The following PABPC4 variants were observed in gnomAD, a reference collection of about 807,000 sequenced individuals.
PABPC4 encodes polyadenylate-binding protein 4.
A neutral mutation model predicts 74.5 loss-of-function variants in PABPC4; 15 were observed. The ratio of observed to expected loss-of-function variants is 0.20; its 90% CI spans 0.13 to 0.31. PABPC4 has a LOEUF of 0.31. Among genes scored for constraint, PABPC4 ranks in the 10% least tolerant of loss-of-function variants. The pLI is 1.00. For synonymous variants in PABPC4, 345 were observed against 303.0 expected (o/e 1.14, Z -1.44); for missense variants, 610 against 853.5 (o/e 0.71, Z 3.55).
At chr1:39,561,649 G>A in intron 15 of PABPC4, 36 bp downstream of exon 15, 2 of 1,419,010 alleles carry the variant, frequency 1.4e-6, no homozygotes, top group Non-Finnish European at 2.0e-6. Flanking sequence ...TAGGAACAAT[G>A]CTCATAGGAA....
rs1645817875 is a variant in PABPC4, at chr1:39,565,123, C to T, written c.1228G>A (p.Val410Met). The change falls in exon 8 of 16, where the codon GTG becomes ATG. Residue 410 changes from valine (V) to methionine (M), a missense_variant. Around this residue, in one of 4 missense-constraint regions of PABPC4, gnomAD observed 277 missense variants for 301.8 expected, o/e 0.92. Transcript: ENST00000372858. ...QFQPAAGGYF[V>M]PAVPQAQGRP... Reference sequence around the variant, plus strand: ...ACACCCACCTGTGGGACTGCTGGCACAAAGTAGCCACCCGCTGCAGGCTGG... The same window carrying T: ...ACACCCACCTGTGGGACTGCTGGCATAAAGTAGCCACCCGCTGCAGGCTGG... The T allele has an allele frequency of 6.2e-7, 1 of 1,613,860 alleles. No individual in the cohort carries two copies. Among genetic ancestry groups the T allele is most frequent in the Non-Finnish European group, 8.5e-7 (1 of 1,180,024 alleles).
intron 7 of PABPC4, among the ~76,000 whole-genome samples, 182 bp from the exon 8 acceptor site, chr1:39,565,560 T>C (rs1040732391): frequency 6.6e-6 from 1 of 151,854 alleles, no homozygotes; most frequent in African/African-American, 2.4e-5. Context: ...CCAGGCGCAG[T>C]GGCTCATGCC....
At chr1:39,574,414 A>G (rs1161951187) in intron 1 of PABPC4, among the ~76,000 whole-genome samples, 1 of 152,264 alleles carries the variant, frequency 6.6e-6, no homozygotes, top group African/African-American at 2.4e-5. Context: ...ACTTATTTAT[A>G]GCAGGGAGAA....
At position 39,571,283 on chromosome 1, in the gene PABPC4, C is replaced by A; in HGVS notation, c.454G>T (p.Asp152Tyr). The A allele has an allele frequency of 6.2e-7, 1 of 1,614,196 alleles. No individual in the cohort carries two copies. Among genetic ancestry groups the A allele is most frequent in the South Asian group, 1.1e-5 (1 of 91,084 alleles). ...FVHFETQEAA[D>Y]KAIEKMNGML... ...CCATTCATCTTCTCGATGGCCTTGT[C>A]GGCAGCCTCTTGGGTCTCGAAGTGG... Residue 152 changes from aspartate (D) to tyrosine (Y), a missense_variant, in exon 3 of 16, where the codon GAC becomes TAC. Asp to Tyr is a radical substitution (Grantham distance 160). Transcript: ENST00000372858.
At chr1:39,565,508 C>G (rs1056193550) in intron 7 of PABPC4, 130 bp from the exon 8 acceptor site, 10 of 894,272 alleles carry the variant, frequency 1.1e-5, no homozygotes, top group African/African-American at 1.7e-5. Flanking sequence ...TTGAGACCAG[C>G]TTGAGCAATG....
intron 7 of PABPC4, among the ~76,000 whole-genome samples, chr1:39,565,742 C>T (rs1008157197): frequency 6.6e-6 from 1 of 152,014 alleles, no homozygotes; most frequent in Non-Finnish European, 1.5e-5. Context: ...GCAGGAGAAC[C>T]GCTTCAACCC....
intron 5 of PABPC4, among the ~76,000 whole-genome samples, chr1:39,569,195 T>C (rs1263677834): frequency 6.6e-6 from 1 of 152,182 alleles, no homozygotes; most frequent in Non-Finnish European, 1.5e-5. Context: ...TAGGGCGATA[T>C]AATATTCCGG....
In PABPC4 at chr1:39,569,844, A is replaced by G. The variant is rs765838367; in HGVS notation, c.643+19T>C. 8.1e-6 allele frequency: 13 copies of G among 1,613,196 alleles called. No homozygotes were observed. The South Asian group carries it at 1.4e-4, about 18-fold the overall frequency. ...TGGGTCTGGTAGACTGTGAAAGGAG[A>G]CAAGGAACCCCAACTTACCAAACTG... is the stretch of plus-strand genomic sequence containing the variant. On this transcript the variant is annotated intron_variant, in intron 4 of 15. Coordinates refer to ENST00000372858, the MANE Select transcript of PABPC4 (RefSeq NM_001135653.2).
At chr1:39,575,571 G>C (rs1360491694) in intron 1 of PABPC4, among the ~76,000 whole-genome samples, 188 bp downstream of exon 1, 1 of 152,208 alleles carries the variant, frequency 6.6e-6, no homozygotes, top group Non-Finnish European at 1.5e-5. Flanking sequence ...TTAGCAAGTG[G>C]TAGAAACAAG....
At chr1:39,575,497 TAC>T (rs1646011164) in intron 1 of PABPC4, among the ~76,000 whole-genome samples, 1 of 152,362 alleles carries the variant, frequency 6.6e-6, no homozygotes, top group African/African-American at 2.4e-5. Context: ...AATCCTGTTT[TAC>T]AGTCTCCTTG....
At chr1:39,573,900 A>C (rs1201726459) in intron 1 of PABPC4, among the ~76,000 whole-genome samples, 1 of 152,184 alleles carries the variant, frequency 6.6e-6, no homozygotes, top group Non-Finnish European at 1.5e-5. Flanking sequence ...CACTAATCGC[A>C]ACAAGGATGC....
chr1:39,561,686 G>GT lies in PABPC4; in HGVS notation c.*11dup, dbSNP rs1557712244. On this transcript the variant is annotated splice_region_variant and 3_prime_UTR_variant, in exon 15 of 16. Coordinates refer to ENST00000372858, the MANE Select transcript of PABPC4 (RefSeq NM_001135653.2). ...AAAAATGAAAATAGCCACACATACG[G>GT]TTTTTCCTTGTCTAAGAGGTAGCAG... 6.2e-7 allele frequency: 1 copy of GT among 1,607,388 alleles called. No individual in the cohort carries two copies. Among genetic ancestry groups the GT allele is most frequent in the East Asian group, 2.2e-5 (1 of 44,854 alleles).
chr1:39,561,140 A>G lies in PABPC4; in HGVS notation c.*14-18T>C, dbSNP rs1487048797. ...TTTGAATCCTGTAAAGAAAAGCACC[A>G]ACACAAATAAATGCATAATCAAATA... is the stretch of plus-strand genomic sequence containing the variant. On this transcript the variant is annotated intron_variant, in intron 15 of 15. Transcript: ENST00000372858. 2 of 470,782 alleles carry G rather than the reference A, an allele frequency of 4.2e-6. No individual in the cohort carries two copies. The highest frequency in any genetic ancestry group is 4.0e-5 in the African/African-American group (2 of 50,076). 29.2% of individuals were successfully genotyped at this position (470,782 alleles called of 1,614,324 possible).
intron 12 of PABPC4, 184 bp from the exon 13 acceptor site, chr1:39,562,600 T>C (rs1645781627): frequency 1.9e-6 from 1 of 537,208 alleles, no homozygotes; most frequent in South Asian, 3.0e-5. Flanking sequence ...AACAGAGTGG[T>C]ATGGACATAA....
intron 1 of PABPC4, chr1:39,573,297 A>G (rs1429269465): frequency 6.6e-6 from 1 of 152,262 alleles, no homozygotes; most frequent in Non-Finnish European, 1.5e-5. Context: ...TCACACATGG[A>G]AAAGTTCTCT....
At chr1:39,568,257 GAAAAA>G (rs201261264) in intron 6 of PABPC4, 5,673 of 135,076 alleles carry the variant, frequency 0.042, 405 homozygotes, top group East Asian at 0.34. Flanking sequence ...ACTGTCTCAA[GAAAAA>G]AAAAAAAAAA....
chr1:39,570,078 GT>G, intron 3 of PABPC4, 76 bp from the exon 4 acceptor site: 1 of 1,420,474 alleles, frequency 7.0e-7, no homozygotes, highest in Non-Finnish European at 9.7e-7. Flanking sequence ...AGGAATACAG[GT>G]TAAAGACTGA....
chr1:39,560,888 GA>G lies in PABPC4; in HGVS notation c.*247del, dbSNP rs559381842. The G allele has an allele frequency of 1.5e-5, 3 of 199,352 alleles. No homozygotes were observed. Among genetic ancestry groups the G allele is most frequent in the Admixed American group, 5.2e-5 (1 of 19,148 alleles). The allele number at this position is 199,352 out of a possible 1,614,324, so 12.3% of individuals were successfully genotyped here. A position where few individuals can be genotyped will look rare whatever the true frequency, so the allele number is the denominator to read the frequency against. The stretch of plus-strand genomic sequence containing the variant: ...CATCAAATAAAACCAATTTCTGGGG[GA>G]AAAAATCAAAACCCACAATAAAAAA... On this transcript the variant is annotated 3_prime_UTR_variant, in exon 16 of 16. Coordinates refer to ENST00000372858, the MANE Select transcript of PABPC4 (RefSeq NM_001135653.2).
chr1:39,569,600 T>A lies in PABPC4; in HGVS notation c.733A>T (p.Asn245Tyr). 1.2e-6 allele frequency: 2 copies of A among 1,613,172 alleles called. No individual in the cohort carries two copies. Among genetic ancestry groups the A allele is most frequent in the Non-Finnish European group, 8.5e-7 (1 of 1,179,062 alleles). ...AATCTTTGTGGTATACTCACCTTAT[T>A]GGCATCCTCGTGTTTTTCGTAACTC... Reference protein sequence around the residue: ...FVSYEKHEDANKAVEEMNGKE... With the variant: ...FVSYEKHEDAYKAVEEMNGKE... Residue 245 changes from asparagine (N) to tyrosine (Y), a missense_variant, in exon 5 of 16, where the codon AAT (asparagine) becomes TAT (tyrosine). Asn to Tyr is a moderately radical substitution (Grantham distance 143, BLOSUM62 -2). This residue lies in a region of PABPC4 where 304 missense variants were observed against 478.9 expected (regional missense o/e 0.63). Coordinates refer to ENST00000372858, the MANE Select transcript of PABPC4 (RefSeq NM_001135653.2).
Sources: allele counts gnomAD v4.1 joint callset (sites outside exome capture counted in the v4.1 genomes callset), GRCh38; gene constraint gnomAD v4.1.1; regional missense constraint gnomAD v4.1.1; transcripts MANE v1.5; gene names NCBI Gene and HGNC (gene_info 2026-07-23, HGNC 2026-07-21).